Variants in TXNRD1 observed in about 807,000 individuals in gnomAD.
The protein encoded by TXNRD1 is thioredoxin reductase 1, cytoplasmic.
In TXNRD1, 57 loss-of-function variants were observed where a neutral mutation model predicts 80.3. That is an observed-to-expected ratio of 0.71 (90% CI 0.57 to 0.89). The LOEUF (loss-of-function observed/expected upper bound fraction) is 0.89. Among genes scored for constraint, TXNRD1 ranks in the 40% least tolerant of loss-of-function variants. The pLI is 0.00. For missense variants in TXNRD1, 730 were observed against 803.0 expected, an observed-to-expected ratio of 0.91 and a Z score of 1.10; for synonymous variants, 291 against 285.2, an observed-to-expected ratio of 1.02 and a Z score of -0.20.
chr12:104,346,342 C>T (rs1004586496), intron 16 of TXNRD1, among the ~76,000 whole-genome samples: 3 of 152,122 alleles, frequency 2.0e-5, no homozygotes, highest in Non-Finnish European at 4.4e-5. Flanking sequence ...TCAACGATGG[C>T]AGTTTGGCTT....
At chr12:104,263,491 A>G (rs1000447976) in intron 3 of TXNRD1, among the ~76,000 whole-genome samples, 4 of 151,940 alleles carry the variant, frequency 2.6e-5, no homozygotes, top group Admixed American at 2.0e-4. Context: ...ACAATCTGCC[A>G]CCATGCCAGC....
intron 4 of TXNRD1, among the ~76,000 whole-genome samples, chr12:104,305,605 T>A (rs1263438794): frequency 6.6e-6 from 1 of 152,188 alleles, no homozygotes; most frequent in Non-Finnish European, 1.5e-5. Context: ...ATGCATGGAA[T>A]TGTTAGAAGT....
intron 3 of TXNRD1, among the ~76,000 whole-genome samples, chr12:104,281,325 A>G (rs2033871798): frequency 6.6e-6 from 1 of 151,842 alleles, no homozygotes; most frequent in Admixed American, 6.6e-5. Flanking sequence ...TAACCTCACT[A>G]ATCAGCCTTT....
At position 104,327,730 on chromosome 12, in the gene TXNRD1, A is replaced by G. The variant is rs936529298; in HGVS notation, c.1542+59A>G. ...TTGTCAGTAATACTCCCAGTTCCTT[A>G]TTTAGGGGGCAGTTGGGAAGTTTCG... On this transcript the variant is annotated intron_variant, in intron 13 of 16. Coordinates refer to ENST00000525566, the MANE Select transcript of TXNRD1 (RefSeq NM_001093771.3). The G allele has an allele frequency of 1.9e-6, 3 of 1,548,468 alleles. No individual in the cohort carries two copies. In the African/African-American group the frequency reaches 4.1e-5, roughly 21 times the overall value.
At chr12:104,336,049 G>A (rs560552318) in intron 15 of TXNRD1, among the ~76,000 whole-genome samples, 1 of 152,176 alleles carries the variant, frequency 6.6e-6, no homozygotes, top group African/African-American at 2.4e-5. Flanking sequence ...ATTTATATGA[G>A]TATACATTAG....
At chr12:104,327,415 T>C (rs2035802153) in intron 12 of TXNRD1, 100 bp from the exon 13 acceptor site, 1 of 1,222,704 alleles carries the variant, frequency 8.2e-7, no homozygotes, top group Admixed American at 2.3e-5. Context: ...TGCCCTCAGC[T>C]AGAGTCACAA....
intron 1 of TXNRD1, among the ~76,000 whole-genome samples, chr12:104,245,648 C>CAA (rs149083903): frequency 2.0e-4 from 22 of 108,862 alleles, no homozygotes; most frequent in East Asian, 1.3e-3. Context: ...GACCCTGTCT[C>CAA]AAAAAAAAAA....
chr12:104,306,484 A>G (rs1404572294), intron 4 of TXNRD1, among the ~76,000 whole-genome samples: 1 of 152,156 alleles, frequency 6.6e-6, no homozygotes, highest in African/African-American at 2.4e-5. Flanking sequence ...ACTTTGGCAA[A>G]TGTTTAGGTA....
chr12:104,313,319 T>C lies in TXNRD1; in HGVS notation c.610+2T>C. The C allele has an allele frequency of 6.3e-7, 1 of 1,576,936 alleles. No homozygotes were observed. The highest frequency in any genetic ancestry group is 1.2e-5 in the South Asian group (1 of 86,140). Reference sequence around the variant, plus strand: ...CCACCCCTCTTGGAACTAGATGGGGTAAGCTTTTAAGATACTCTAGAAGTG... The same window carrying C: ...CCACCCCTCTTGGAACTAGATGGGGCAAGCTTTTAAGATACTCTAGAAGTG... On this transcript the variant is annotated splice_donor_variant, in intron 6 of 16. Transcript: ENST00000525566. LOFTEE classifies it high-confidence loss of function.
intron 10 of TXNRD1, among the ~76,000 whole-genome samples, chr12:104,323,536 A>C (rs1165009909): frequency 9.8e-6 from 1 of 101,550 alleles, no homozygotes; most frequent in Non-Finnish European, 2.1e-5. Context: ...GGGGGCTGAC[A>C]CCCCCACCTC....
chr12:104,249,337 C>T (rs1406622515), intron 1 of TXNRD1, among the ~76,000 whole-genome samples: 1 of 152,178 alleles, frequency 6.6e-6, no homozygotes, highest in Non-Finnish European at 1.5e-5. Context: ...AATGCTGTCA[C>T]TTTGAGAATT....
chr12:104,335,773 A>G (rs1219767936), intron 15 of TXNRD1, among the ~76,000 whole-genome samples: 1 of 152,198 alleles, frequency 6.6e-6, no homozygotes. Context: ...TTAAAAGCCT[A>G]GTAAACTGAT....
intron 4 of TXNRD1, chr12:104,303,834 A>G (rs2034752433): frequency 1.4e-6 from 2 of 1,433,432 alleles, no homozygotes; most frequent in Non-Finnish European, 1.8e-6. Flanking sequence ...TTGGTTGAAA[A>G]AGCTTCCCGG....
chr12:104,268,547 T>A (rs1269192892), intron 3 of TXNRD1, among the ~76,000 whole-genome samples: 1 of 151,322 alleles, frequency 6.6e-6, no homozygotes. Context: ...AGAAAGAGAG[T>A]ATCACTCTGT....
At chr12:104,288,546 G>A (rs956640638) in intron 3 of TXNRD1, among the ~76,000 whole-genome samples, 2 of 152,200 alleles carry the variant, frequency 1.3e-5, no homozygotes, top group South Asian at 2.1e-4. Context: ...CAAACTGGGA[G>A]GTGTTTTGTG....
chr12:104,328,393 A>C (rs2035838255), intron 13 of TXNRD1, among the ~76,000 whole-genome samples: 1 of 152,164 alleles, frequency 6.6e-6, no homozygotes, highest in African/African-American at 2.4e-5. Context: ...TTGAGGATTT[A>C]GGTAATGGTG....
intron 16 of TXNRD1, among the ~76,000 whole-genome samples, chr12:104,343,992 A>G (rs1266919786): frequency 6.6e-6 from 1 of 151,796 alleles, no homozygotes; most frequent in Non-Finnish European, 1.5e-5. Context: ...AGTCCCAGCT[A>G]CTCAGGAGGC....
chr12:104,339,863 A>G (rs1361991639), intron 16 of TXNRD1, among the ~76,000 whole-genome samples: 1 of 152,222 alleles, frequency 6.6e-6, no homozygotes, highest in African/African-American at 2.4e-5. Flanking sequence ...GTCATACTAT[A>G]CCAGCTTATA....
At chr12:104,305,276 T>A (rs1293389728) in intron 4 of TXNRD1, 1 of 170,888 alleles carries the variant, frequency 5.9e-6, no homozygotes, top group Non-Finnish European at 1.3e-5. Context: ...TGTGATGCGT[T>A]GCTTTCTCTG....
Sources: allele counts gnomAD v4.1 joint callset (sites outside exome capture counted in the v4.1 genomes callset), GRCh38; gene constraint gnomAD v4.1.1; transcripts MANE v1.5; gene names NCBI Gene and HGNC (gene_info 2026-07-23, HGNC 2026-07-21).